The following ABCG2 variants were observed in gnomAD, a reference collection of about 807,000 sequenced individuals.
ABCG2 encodes the protein ATP binding cassette subfamily G member 2 (JR blood group).
A neutral mutation model predicts 73.5 loss-of-function variants in ABCG2; 80 were observed. The observed-to-expected ratio is 1.09, with a 90% CI of 0.91 to 1.31. ABCG2 has a LOEUF of 1.31. ABCG2 is among the 50% of genes most tolerant of loss of function. The pLI is 0.00. For missense variants in ABCG2, 796 were observed against 786.2 expected (o/e 1.01, Z -0.15); for synonymous variants, 269 against 282.4 (o/e 0.95, Z 0.48).
At chr4:88,189,166 G>T (rs970580189) in intron 1 of ABCG2, among the ~76,000 whole-genome samples, 6 of 152,074 alleles carry the variant, frequency 3.9e-5, no homozygotes, top group African/African-American at 1.4e-4. Context: ...TTATTTATAA[G>T]TATTTTACTC....
intron 1 of ABCG2, among the ~76,000 whole-genome samples, chr4:88,146,455 G>A (rs899843776): frequency 2.0e-5 from 3 of 151,818 alleles, no homozygotes. Flanking sequence ...GTGCAGTGGT[G>A]TGGATCTTGG....
intron 1 of ABCG2, among the ~76,000 whole-genome samples, chr4:88,226,445 TC>T (rs1560468280): frequency 6.6e-6 from 1 of 152,196 alleles, no homozygotes; most frequent in African/African-American, 2.4e-5. Context: ...TTGGTGTGAA[TC>T]TTGTTGTTGG....
rs543763689 is a variant in ABCG2, at chr4:88,186,503, C to T, written c.-20+44491G>A. Among the ~76,000 whole-genome samples, 5 of 152,232 alleles carry T rather than the reference C, an allele frequency of 3.3e-5. No homozygotes were observed. The East Asian group carries it at 9.7e-4, about 29-fold the overall frequency. ...TTAAAATGGTGGTTATAAGCATGGT[C>T]GGTGGCTCATGCCTGTAATGCCAGC... On this transcript the variant is annotated intron_variant, in intron 1 of 15. Transcript: ENST00000515655.
chr4:88,230,140 G>C (rs1730395497), intron 1 of ABCG2, among the ~76,000 whole-genome samples: 1 of 149,646 alleles, frequency 6.7e-6, no homozygotes, highest in Non-Finnish European at 1.5e-5. Flanking sequence ...TTACAGGCGT[G>C]TGACACCACG....
chr4:88,146,802 C>T (rs536173949), intron 1 of ABCG2, among the ~76,000 whole-genome samples: 3 of 151,610 alleles, frequency 2.0e-5, no homozygotes, highest in South Asian at 4.2e-4. Context: ...GTCCATGAGA[C>T]GGAGGCTGCA....
chr4:88,115,470 G>T (rs1176853421), intron 7 of ABCG2, among the ~76,000 whole-genome samples: 1 of 149,868 alleles, frequency 6.7e-6, no homozygotes, highest in African/African-American at 2.4e-5. Flanking sequence ...TTTCAGTAGA[G>T]ACACAGCTTT....
intron 15 of ABCG2, among the ~76,000 whole-genome samples, chr4:88,092,864 C>T (rs953369161): frequency 1.3e-5 from 2 of 152,180 alleles, no homozygotes; most frequent in African/African-American, 4.8e-5. Flanking sequence ...ACTCTTTACG[C>T]TTACAAATAG....
intron 1 of ABCG2, among the ~76,000 whole-genome samples, chr4:88,221,738 G>A (rs1179455385): frequency 6.6e-6 from 1 of 152,126 alleles, no homozygotes; most frequent in Non-Finnish European, 1.5e-5. Flanking sequence ...GAACTTGAGA[G>A]GGATGATTTA....
chr4:88,223,433 T>G (rs375074596), intron 1 of ABCG2, among the ~76,000 whole-genome samples: 5 of 152,262 alleles, frequency 3.3e-5, no homozygotes, highest in South Asian at 4.2e-4. Flanking sequence ...CTCGTGACAG[T>G]GAGTTCTCAT....
Position 88,118,159 on chromosome 4 carries a change from A to C in ABCG2, c.791T>G (p.Leu264Arg), listed in dbSNP as rs779482956. 5.4e-5 allele frequency: 87 copies of C among 1,613,908 alleles called. No individual in the cohort carries two copies. Among genetic ancestry groups the C allele is most frequent in the Admixed American group, 4.0e-4 (24 of 60,006 alleles). ...CTCCTGAGCAGGCCCGTGGAACATAAGTCTTCCTGAGGCCAATAAGGTGAG... is the reference window on the plus strand; with the variant it reads ...CTCCTGAGCAGGCCCGTGGAACATACGTCTTCCTGAGGCCAATAAGGTGAG... ...DSLTLLASGR[L>R]MFHGPAQEAL... The change falls in exon 7 of 16, where the codon CTT becomes CGT. Residue 264 changes from leucine (L) to arginine (R), a missense_variant. Transcript: ENST00000237612.
At position 88,131,183 on chromosome 4, in the gene ABCG2, T is replaced by C. The variant is rs1724845435; in HGVS notation, c.409A>G (p.Arg137Gly). ...GCTGCTGAGAACTGTAAGTTTTCTCTCACCGTCAGAGTGCCCATCACAACA... is the reference window on the plus strand; with the variant it reads ...GCTGCTGAGAACTGTAAGTTTTCTCCCACCGTCAGAGTGCCCATCACAACA... ...DDVVMGTLTV[R>G]ENLQFSAALR... is the part of the protein sequence containing the mutation. Residue 137 changes from arginine to glycine, a missense_variant, in exon 5 of 16, where the codon AGA becomes GGA. Physicochemically the swap from Arg to Gly is moderately radical, Grantham distance 125 (BLOSUM62 -2). Transcript: ENST00000237612. 1 of 1,613,960 alleles carries C rather than the reference T, an allele frequency of 6.2e-7. No homozygotes were observed. Among genetic ancestry groups the C allele is most frequent in the Non-Finnish European group, 8.5e-7 (1 of 1,179,966 alleles).
intron 1 of ABCG2, among the ~76,000 whole-genome samples, chr4:88,175,352 T>A (rs1375007680): frequency 6.6e-6 from 1 of 152,232 alleles, no homozygotes; most frequent in African/African-American, 2.4e-5. Flanking sequence ...CTTCTTTTGA[T>A]GATTATTACT....
intron 1 of ABCG2, among the ~76,000 whole-genome samples, chr4:88,194,038 C>T (rs1469201456): frequency 6.6e-6 from 1 of 152,144 alleles, no homozygotes; most frequent in African/African-American, 2.4e-5. Context: ...AGCCACCATG[C>T]TCGGCCAAAG....
chr4:88,131,677 G>T, intron 4 of ABCG2, 126 bp downstream of exon 4: 1 of 657,194 alleles, frequency 1.5e-6, no homozygotes, highest in Non-Finnish European at 2.6e-6. Flanking sequence ...AAGAAAAGCT[G>T]CTGTAAAGAA....
intron 10 of ABCG2, among the ~76,000 whole-genome samples, chr4:88,102,035 G>A (rs530747715): frequency 1.3e-5 from 2 of 152,328 alleles, no homozygotes; most frequent in Admixed American, 6.5e-5. Context: ...AACAAAGAAT[G>A]TAAGTCATGT....
At position 88,198,954 on chromosome 4, in the gene ABCG2, G is replaced by A. The variant is rs543174183; in HGVS notation, c.-20+32040C>T. On this transcript the variant is annotated intron_variant, in intron 1 of 15. Transcript: ENST00000515655. Reference sequence around the variant, plus strand: ...ACTATATATGTATATGTATATATATGTGTGTGTGTATATATATATATATTT... The same window carrying A: ...ACTATATATGTATATGTATATATATATGTGTGTGTATATATATATATATTT... 3.6e-4 allele frequency among the ~76,000 whole-genome samples: 55 copies of A among 151,968 alleles called. 5 individuals are homozygous for A. In the South Asian group the frequency reaches 7.7e-3, roughly 21 times the overall value.
At chr4:88,101,558 G>A (rs994572954) in intron 10 of ABCG2, among the ~76,000 whole-genome samples, 8 of 152,072 alleles carry the variant, frequency 5.3e-5, no homozygotes, top group African/African-American at 1.4e-4. Flanking sequence ...AATGAATTGC[G>A]TCTCCCCCCA....
At chr4:88,228,227 A>G (rs748629493) in intron 1 of ABCG2, among the ~76,000 whole-genome samples, 7 of 152,090 alleles carry the variant, frequency 4.6e-5, no homozygotes, top group Admixed American at 2.6e-4. Flanking sequence ...GGGGAACTCT[A>G]TTTTCTACAG....
chr4:88,118,325 A>G, intron 6 of ABCG2, 65 bp from the exon 7 acceptor site: 1 of 1,535,638 alleles, frequency 6.5e-7, no homozygotes. Flanking sequence ...TCAGTAAAAT[A>G]CTCTATTCTT....
Sources: gnomAD v4.1 joint callset for allele counts (sites outside exome capture counted in the v4.1 genomes callset) on GRCh38, gnomAD v4.1.1 for gene constraint, MANE v1.5 for transcripts, NCBI Gene and HGNC (gene_info 2026-07-23, HGNC 2026-07-21) for gene names.